Variants in TOPBP1 observed in about 807,000 individuals in gnomAD.
TOPBP1 encodes the protein DNA topoisomerase II binding protein 1, also known as DNA topoisomerase 2-binding protein 1.
TOPBP1 carries 28 observed loss-of-function variants against 167.7 expected under a neutral mutation model. The ratio of observed to expected loss-of-function variants is 0.17; its 90% CI spans 0.12 to 0.23. The LOEUF is 0.23. Among genes scored for constraint, TOPBP1 ranks in the 10% least tolerant of loss-of-function variants. The probability of loss-of-function intolerance (pLI) is 1.00; values close to 1 mark genes in which losing one functional copy is unlikely to be tolerated. For missense variants in TOPBP1, 1,554 were observed against 1,809.6 expected, an observed-to-expected ratio of 0.86 and a Z score of 2.56; for synonymous variants, 598 against 611.4, an observed-to-expected ratio of 0.98 and a Z score of 0.32.
At chr3:133,605,942 T>A (rs901815637) in intron 27 of TOPBP1, among the ~76,000 whole-genome samples, 22 of 152,156 alleles carry the variant, frequency 1.4e-4, no homozygotes, top group African/African-American at 4.1e-4. Flanking sequence ...ACACCTGTAA[T>A]CCCAGTACTT....
rs1345898946 is a variant in TOPBP1, at chr3:133,608,637, C to G, written c.4323G>C (p.Leu1441Phe). 2 of 1,613,646 alleles carry G rather than the reference C, an allele frequency of 1.2e-6. No homozygotes were observed. The highest frequency in any genetic ancestry group is 1.7e-6 in the Non-Finnish European group (2 of 1,179,766). ...CTGAGTCATCTGGTTTCAGTTTATT[C>G]AAGTCAGAAAAAAGATGTGTGGCCT... ...FKEATHLFSD[L>F]NKLKPDDSGV... is the part of the protein sequence containing the mutation. Residue 1441 changes from leucine (L) to phenylalanine (F), a missense_variant, in exon 27 of 28, where the codon TTG (leucine) becomes TTC (phenylalanine). Coordinates refer to ENST00000260810, the MANE Select transcript of TOPBP1 (RefSeq NM_007027.4).
intron 6 of TOPBP1, among the ~76,000 whole-genome samples, 191 bp from the exon 7 acceptor site, chr3:133,653,715 C>T (rs1936380933): frequency 6.6e-6 from 1 of 151,456 alleles, no homozygotes; most frequent in South Asian, 2.1e-4. Context: ...GCAACCTCCA[C>T]CTCCCTCCTG....
intron 13 of TOPBP1, among the ~76,000 whole-genome samples, chr3:133,638,747 G>A (rs948186106): frequency 6.6e-6 from 1 of 152,188 alleles, no homozygotes; most frequent in African/African-American, 2.4e-5. Flanking sequence ...TCTTACAAGA[G>A]AGGGTACTGT....
At chr3:133,619,696 A>G (rs1388485202) in intron 20 of TOPBP1, among the ~76,000 whole-genome samples, 1 of 152,260 alleles carries the variant, frequency 6.6e-6, no homozygotes, top group Non-Finnish European at 1.5e-5. Context: ...TAAAGAGCAG[A>G]GAGAACTGCC....
chr3:133,649,739 T>A, intron 9 of TOPBP1, 41 bp downstream of exon 9: 9 of 1,582,372 alleles, frequency 5.7e-6, no homozygotes, highest in Non-Finnish European at 7.7e-6. Context: ...TTAAGAAAAA[T>A]TATGTAGTAG....
chr3:133,633,280 G>A (rs1233023650), intron 14 of TOPBP1, among the ~76,000 whole-genome samples: 2 of 152,042 alleles, frequency 1.3e-5, no homozygotes, highest in Admixed American at 6.5e-5. Context: ...TTATGATGAC[G>A]CCATTGACCT....
intron 10 of TOPBP1, 69 bp from the exon 11 acceptor site, chr3:133,644,432 A>G: frequency 1.5e-6 from 2 of 1,333,650 alleles, no homozygotes; most frequent in East Asian, 2.5e-5. Flanking sequence ...TAGCAAGGAT[A>G]TTAACGTAAC....
chr3:133,640,207 T>TATACA (rs774890017), intron 12 of TOPBP1, 37 bp from the exon 13 acceptor site: 22 of 1,560,284 alleles, frequency 1.4e-5, no homozygotes, highest in African/African-American at 8.1e-5. Flanking sequence ...AATGGTCACA[T>TATACA]ATACAATTAA....
intron 21 of TOPBP1, 54 bp downstream of exon 21, chr3:133,618,159 A>T (rs1934961361): frequency 1.4e-6 from 2 of 1,435,390 alleles, no homozygotes; most frequent in Non-Finnish European, 2.0e-6. Context: ...GTTTATTTTT[A>T]AGAGGTCAAC....
chr3:133,650,353 T>C (rs1576311770), intron 8 of TOPBP1, among the ~76,000 whole-genome samples: 1 of 99,496 alleles, frequency 1.0e-5, no homozygotes, highest in South Asian at 3.6e-4. Context: ...TGGGCTTAAA[T>C]TGTGTGTGTG....
chr3:133,618,243 G>T lies in TOPBP1; in HGVS notation c.3562C>A (p.Pro1188Thr), dbSNP rs750656821. 12 of 1,613,750 alleles carry T rather than the reference G, an allele frequency of 7.4e-6. No homozygotes were observed. The South Asian group carries it at 9.9e-5, about 13-fold the overall frequency. The part of the protein sequence containing the change: ...QNLEDSPFQK[P>T]LHDSEIAKQA... ...TTAGCAATTTCTGAATCATGTAAAG[G>T]CTTTTGAAAAGGAGAATCCTCCAAG... The change falls in exon 21 of 28, where the codon CCT becomes ACT. Residue 1188 changes from proline (P) to threonine (T), a missense_variant. Coordinates refer to ENST00000260810, the MANE Select transcript of TOPBP1 (RefSeq NM_007027.4).
chr3:133,661,654 G>A (rs376798053), intron 1 of TOPBP1, 115 bp downstream of exon 1: 2 of 153,118 alleles, frequency 1.3e-5, no homozygotes, highest in South Asian at 2.1e-4. Flanking sequence ...CCCACCCGCC[G>A]GCTCCAGGGC....
At chr3:133,618,996 C>T (rs921105072) in intron 20 of TOPBP1, among the ~76,000 whole-genome samples, 5 of 151,016 alleles carry the variant, frequency 3.3e-5, no homozygotes, top group African/African-American at 9.7e-5. Flanking sequence ...TTTTATGGTG[C>T]GATTGTAATG....
chr3:133,619,111 C>CAAAAAAAAAAAAAAA (rs71136485), intron 20 of TOPBP1, among the ~76,000 whole-genome samples: 2 of 103,478 alleles, frequency 1.9e-5, no homozygotes, highest in Non-Finnish European at 4.0e-5. Context: ...TGTGGAGAAG[C>CAAAAAAAAAAAAAAA]AAAAAAAAAA....
chr3:133,613,842 G>C (rs1052513127), intron 23 of TOPBP1, among the ~76,000 whole-genome samples: 3 of 147,520 alleles, frequency 2.0e-5, no homozygotes, highest in Non-Finnish European at 4.4e-5. Flanking sequence ...CTGGAGTGCA[G>C]GAGTGCAGTG....
Position 133,618,505 on chromosome 3 carries a change from C to T in TOPBP1, c.3372-72G>A, listed in dbSNP as rs1934972259. The T allele has an allele frequency of 6.2e-6, 9 of 1,457,938 alleles. No individual in the cohort carries two copies. In the South Asian group the frequency reaches 1.1e-4, roughly 18 times the overall value. The allele number at this position is 1,457,938 out of a possible 1,614,324, so 90.3% of individuals were successfully genotyped here. A position where few individuals can be genotyped will look rare whatever the true frequency, so the allele number is the denominator to read the frequency against. ...AAACTCATTAAATCCATAAGTTAGACCATAAAAGTTGTGGCTCACCTTTAT... is the reference window on the plus strand; with the variant it reads ...AAACTCATTAAATCCATAAGTTAGATCATAAAAGTTGTGGCTCACCTTTAT... On this transcript the variant is annotated intron_variant, in intron 20 of 27. Transcript: ENST00000260810.
chr3:133,652,541 C>T lies in TOPBP1; in HGVS notation c.1011G>A (p.Leu337=), dbSNP rs758832023. The T allele has an allele frequency of 6.2e-7, 1 of 1,612,048 alleles. No homozygotes were observed. The highest frequency in any genetic ancestry group is 1.7e-5 in the Admixed American group (1 of 59,938). ...ESICNSLNSK[L]EPTLENLENL... ...TTTCTAGATTTTCAAGTGTAGGCTC[C>T]AGTTTGCTGTTAAGTGAATTACATA... is the stretch of plus-strand genomic sequence containing the variant. The change falls in exon 8 of 28, where the codon CTG becomes CTA. Residue 337 remains leucine (L), a synonymous_variant. Coordinates refer to ENST00000260810, the MANE Select transcript of TOPBP1 (RefSeq NM_007027.4).
chr3:133,623,589 T>C (rs372979824), intron 17 of TOPBP1, 132 bp from the exon 18 acceptor site: 1 of 1,025,184 alleles, frequency 9.8e-7, no homozygotes, highest in Non-Finnish European at 1.3e-6. Context: ...GTTTGAAAAG[T>C]AGTTTACACT....
intron 12 of TOPBP1, among the ~76,000 whole-genome samples, chr3:133,641,427 G>A (rs1379783475): frequency 6.6e-6 from 1 of 151,984 alleles, no homozygotes; most frequent in Middle Eastern, 3.2e-3. Flanking sequence ...GTACAGTGGC[G>A]CCACTGTGAC....
Sources: allele counts gnomAD v4.1 joint callset (sites outside exome capture counted in the v4.1 genomes callset), GRCh38; gene constraint gnomAD v4.1.1; transcripts MANE v1.5; gene names NCBI Gene and HGNC (gene_info 2026-07-23, HGNC 2026-07-21).